Variants in ACAD11 observed in about 807,000 individuals in gnomAD.
ACAD11 encodes acyl-CoA dehydrogenase family member 11, also known as acyl-Coenzyme A dehydrogenase family, member 11.
A neutral mutation model predicts 102.2 loss-of-function variants in ACAD11; 83 were observed. That is an observed-to-expected ratio of 0.81 (90% confidence interval 0.68 to 0.97). The LOEUF (loss-of-function observed/expected upper bound fraction) is 0.97. ACAD11 is among the 50% of genes least tolerant of loss of function. The pLI is 0.00. For synonymous variants in ACAD11, 324 were observed against 319.8 expected, an observed-to-expected ratio of 1.01 and a Z score of -0.14; for missense variants, 901 against 951.7, an observed-to-expected ratio of 0.95 and a Z score of 0.70.
At chr3:132,655,822 A>G (rs1042321238) in intron 1 of ACAD11, among the ~76,000 whole-genome samples, 1 of 152,250 alleles carries the variant, frequency 6.6e-6, no homozygotes, top group African/African-American at 2.4e-5. Flanking sequence ...GCTGCAAATC[A>G]CAAGTTTTGT....
At chr3:132,570,187 A>G (rs1366832678) in intron 17 of ACAD11, among the ~76,000 whole-genome samples, 1 of 152,190 alleles carries the variant, frequency 6.6e-6, no homozygotes, top group Non-Finnish European at 1.5e-5. Context: ...GCAAGCAAAC[A>G]TTCAGAATTC....
At chr3:132,639,753 C>T (rs946197520) in intron 4 of ACAD11, 97 bp from the exon 5 acceptor site, 2 of 1,147,696 alleles carry the variant, frequency 1.7e-6, no homozygotes, top group African/African-American at 1.6e-5. Context: ...CTGTTTTACT[C>T]CTAAATACTT....
At chr3:132,600,478 T>C (rs1245061566) in intron 13 of ACAD11, 2 of 1,613,826 alleles carry the variant, frequency 1.2e-6, no homozygotes, top group Non-Finnish European at 1.7e-6. Context: ...ACAGTCAATA[T>C]GAACTGATCT....
At chr3:132,639,880 A>C (rs976299964) in intron 4 of ACAD11, among the ~76,000 whole-genome samples, 6 of 152,090 alleles carry the variant, frequency 3.9e-5, no homozygotes, top group Non-Finnish European at 8.8e-5. Flanking sequence ...TTTTATCAAG[A>C]GAAAAATACT....
At chr3:132,614,201 A>G (rs971274357) in intron 11 of ACAD11, among the ~76,000 whole-genome samples, 7 of 152,228 alleles carry the variant, frequency 4.6e-5, no homozygotes, top group Non-Finnish European at 8.8e-5. Context: ...AAAACATTCC[A>G]TGCTCATGGA....
At chr3:132,650,194 T>A (rs773742229) in intron 1 of ACAD11, 1 of 152,052 alleles carries the variant, frequency 6.6e-6, no homozygotes, top group South Asian at 2.1e-4. Context: ...TCCTGACAAG[T>A]GCAATGGAGT....
rs143103240 is a variant in ACAD11, at chr3:132,643,989, A to G, written c.249+808T>C. Among the ~76,000 whole-genome samples the G allele has an allele frequency of 3.7e-3, 567 of 152,186 alleles. 2 individuals carry two copies. The highest frequency in any genetic ancestry group is 0.013 in the African/African-American group (540 of 41,498). On this transcript the variant is annotated intron_variant, in intron 2 of 19. Coordinates refer to ENST00000264990, the MANE Select transcript of ACAD11 (RefSeq NM_032169.5). ...GGGGATTTTCCTTCAGCCATACTAT[A>G]TCGATATTTAATAAAAGTTACCCAA...
At chr3:132,645,007 C>A in intron 1 of ACAD11, 111 bp from the exon 2 acceptor site, 1 of 642,734 alleles carries the variant, frequency 1.6e-6, no homozygotes, top group Non-Finnish European at 2.6e-6. Context: ...CATCTCAATG[C>A]TGGAAAATCA....
chr3:132,634,822 A>G (rs13076647), intron 5 of ACAD11, among the ~76,000 whole-genome samples: 12 of 147,158 alleles, frequency 8.2e-5, no homozygotes, highest in African/African-American at 2.5e-4. Context: ...ACCAAACACC[A>G]CATGTTCTCA....
At chr3:132,616,158 T>C (rs1223174877) in intron 11 of ACAD11, among the ~76,000 whole-genome samples, 2 of 152,236 alleles carry the variant, frequency 1.3e-5, no homozygotes, top group African/African-American at 4.8e-5. Context: ...TTTCTATTTA[T>C]AGTTGTACAC....
intron 13 of ACAD11, among the ~76,000 whole-genome samples, chr3:132,596,078 C>T (rs1938293493): frequency 6.6e-6 from 1 of 152,174 alleles, no homozygotes; most frequent in African/African-American, 2.4e-5. Flanking sequence ...GGTACATATA[C>T]AGCATGGAAT....
Position 132,619,505 on chromosome 3 carries a change from T to G in ACAD11, c.1238A>C (p.Asp413Ala). The change falls in exon 10 of 20, where the codon GAC (aspartate) becomes GCC (alanine). Residue 413 changes from aspartate (D) to alanine (A), a missense_variant. Coordinates refer to ENST00000264990, the MANE Select transcript of ACAD11 (RefSeq NM_032169.5). ...EFYVQNENSV[D>A]KWGKPLVIDK... The stretch of plus-strand genomic sequence containing the variant: ...AATCACTAAAGGTTTTCCCCACTTG[T>G]CCACTGAATTTTCATTTTGAACATA... 6.3e-7 allele frequency: 1 copy of G among 1,593,024 alleles called. No homozygotes were observed. The highest frequency in any genetic ancestry group is 1.2e-5 in the South Asian group (1 of 86,312).
intron 13 of ACAD11, among the ~76,000 whole-genome samples, chr3:132,589,390 T>C (rs762203961): frequency 1.3e-5 from 2 of 152,216 alleles, no homozygotes; most frequent in South Asian, 2.1e-4. Flanking sequence ...GTTGGGGTAA[T>C]CTTTTATCCC....
intron 13 of ACAD11, among the ~76,000 whole-genome samples, chr3:132,583,272 G>A (rs970579948): frequency 6.6e-6 from 1 of 152,168 alleles, no homozygotes; most frequent in African/African-American, 2.4e-5. Flanking sequence ...TCCTCGTTTA[G>A]TCTTGGGAGG....
intron 13 of ACAD11, chr3:132,600,859 C>A (rs1938551822): frequency 6.2e-7 from 1 of 1,613,846 alleles, no homozygotes; most frequent in Non-Finnish European, 8.5e-7. Context: ...GAAAACCATG[C>A]TGGATCATCT....
intron 13 of ACAD11, among the ~76,000 whole-genome samples, chr3:132,602,449 T>C (rs1938652880): frequency 6.6e-6 from 1 of 152,180 alleles, no homozygotes; most frequent in African/African-American, 2.4e-5. Flanking sequence ...AAAAAATACA[T>C]TATCCCATGC....
At chr3:132,623,298 T>C (rs1012254629) in intron 9 of ACAD11, among the ~76,000 whole-genome samples, 1 of 152,196 alleles carries the variant, frequency 6.6e-6, no homozygotes, top group Non-Finnish European at 1.5e-5. Context: ...CAACCTATTT[T>C]CTAGAAATGA....
At chr3:132,591,288 C>T (rs1938065944) in intron 13 of ACAD11, among the ~76,000 whole-genome samples, 1 of 152,156 alleles carries the variant, frequency 6.6e-6, no homozygotes, top group African/African-American at 2.4e-5. Context: ...TTGTTTTTGT[C>T]AGCCTTGTCA....
intron 11 of ACAD11, among the ~76,000 whole-genome samples, chr3:132,617,382 CTT>C (rs1440500643): frequency 1.3e-5 from 2 of 152,120 alleles, no homozygotes; most frequent in Non-Finnish European, 2.9e-5. Context: ...TTTCATTTTA[CTT>C]TTTAAAAAAT....
Sources: gnomAD v4.1 joint callset for allele counts (sites outside exome capture counted in the v4.1 genomes callset) on GRCh38, gnomAD v4.1.1 for gene constraint, MANE v1.5 for transcripts, NCBI Gene and HGNC (gene_info 2026-07-23, HGNC 2026-07-21) for gene names.